Variants in CASP10 observed in about 807,000 individuals in gnomAD.
The protein encoded by CASP10 is caspase 10, also known as caspase-10.
A neutral mutation model predicts 48.5 loss-of-function variants in CASP10; 41 were observed. The observed-to-expected ratio is 0.85, with a 90% CI of 0.66 to 1.10. The LOEUF (loss-of-function observed/expected upper bound fraction) is 1.10. Ranked by LOEUF, CASP10 falls within the 50% of genes least tolerant of loss-of-function variation. The pLI is 0.00. For synonymous variants in CASP10, 232 were observed against 238.4 expected, an observed-to-expected ratio of 0.97 and a Z score of 0.25; for missense variants, 614 against 614.5, an observed-to-expected ratio of 1.00 and a Z score of 0.01.
At chr2:201,227,322 A>C (rs1160027106) in intron 9 of CASP10, among the ~76,000 whole-genome samples, 2 of 152,086 alleles carry the variant, frequency 1.3e-5, no homozygotes, top group Non-Finnish European at 2.9e-5. Flanking sequence ...ATGTTTTTCC[A>C]ATCTAGTAAC....
At chr2:201,222,112 G>T (rs1945732519), downstream of CASP10, among the ~76,000 whole-genome samples, 1 of 152,038 alleles carries the variant, frequency 6.6e-6, no homozygotes, top group African/African-American at 2.4e-5. Flanking sequence ...GTTTATGAGG[G>T]GAATAGGTAG....
In CASP10 at chr2:201,219,359, A is replaced by G; in HGVS notation, c.*1618A>G. 1 of 773,366 alleles carries G rather than the reference A, an allele frequency of 1.3e-6. No individual in the cohort carries two copies. Among genetic ancestry groups the G allele is most frequent in the Non-Finnish European group, 1.6e-6 (1 of 636,562 alleles). The allele number at this position is 773,366 out of a possible 1,614,324, so 47.9% of individuals were successfully genotyped here. On this transcript the variant is annotated 3_prime_UTR_variant, in exon 10 of 10. Coordinates refer to ENST00000286186, the MANE Select transcript of CASP10 (RefSeq NM_032977.4). ...TTGACTGAAGCAAAGAAGGGAATTT[A>G]TTGCCTCTTTCACATTGAAACCCAG... is the stretch of plus-strand genomic sequence containing the variant.
At chr2:201,185,656 A>G (rs1944388544) in intron 1 of CASP10, 115 bp from the exon 2 acceptor site, 1 of 756,526 alleles carries the variant, frequency 1.3e-6, no homozygotes, top group Non-Finnish European at 2.4e-6. Context: ...CAGCACTTCT[A>G]GGAAAGTCTA....
intron 4 of CASP10, 142 bp downstream of exon 4, chr2:201,193,261 G>T: frequency 6.2e-6 from 5 of 808,228 alleles, no homozygotes; most frequent in Non-Finnish European, 1.0e-5. Flanking sequence ...AGGCTGGAGT[G>T]CAGTGGTGTG....
intron 9 of CASP10, chr2:201,213,628 G>A (rs181534547): frequency 5.9e-5 from 9 of 152,112 alleles, no homozygotes; most frequent in African/African-American, 1.7e-4. Context: ...TGACGTCCTC[G>A]AGAGAGTAAT....
Position 201,209,477 on chromosome 2 carries a change from C to T in CASP10, c.1330C>T (p.Pro444Ser), listed in dbSNP as rs41513147. The change falls in exon 9 of 10, where the codon CCA (proline) becomes TCA (serine). Residue 444 changes from proline to serine, a missense_variant. Physicochemically the swap from Pro to Ser is moderately conservative, Grantham distance 74 (BLOSUM62 -1). Transcript: ENST00000286186. ...ADFLLGLATV[P>S]GYVSFRHVEE... The stretch of plus-strand genomic sequence containing the variant: ...CTTCCTACTTGGTCTGGCCACTGTC[C>T]CAGGCTATGTATCCTTTCGGCATGT... 3 of 1,614,048 alleles carry T rather than the reference C, an allele frequency of 1.9e-6. No individual in the cohort carries two copies. Among genetic ancestry groups the T allele is most frequent in the South Asian group, 1.1e-5 (1 of 91,078 alleles).
chr2:201,203,707 T>G (rs1326250295), intron 5 of CASP10, 23 bp from the exon 6 acceptor site: 1 of 1,609,922 alleles, frequency 6.2e-7, no homozygotes. Context: ...CTATGTTTCA[T>G]GCCCTCCTTT....
intron 9 of CASP10, among the ~76,000 whole-genome samples, chr2:201,211,374 CCT>C (rs1945387962): frequency 1.3e-5 from 2 of 152,184 alleles, no homozygotes; most frequent in African/African-American, 4.8e-5. Context: ...CATTGACTAA[CCT>C]CTCATCTTCC....
Position 201,193,099 on chromosome 2 carries a change from A to G in CASP10, c.557A>G (p.Glu186Gly), listed in dbSNP as rs1277911826. Residue 186 changes from glutamate to glycine, a missense_variant, in exon 4 of 10, where the codon GAG becomes GGG. Physicochemically the swap from Glu to Gly is moderately conservative, Grantham distance 98 (BLOSUM62 -2). Transcript: ENST00000286186. ...TVVPKLLRNI[E>G]KYKREKAIQI... ...GTACCTAAACTTTTGAGAAACATAG[A>G]GAAATACAAAAGAGAGAAAGGTAAG... 6.2e-7 allele frequency: 1 copy of G among 1,613,878 alleles called. No individual in the cohort carries two copies. Among genetic ancestry groups the G allele is most frequent in the South Asian group, 1.1e-5 (1 of 91,070 alleles).
At chr2:201,222,319 C>T (rs940815824), downstream of CASP10, among the ~76,000 whole-genome samples, 3 of 150,926 alleles carry the variant, frequency 2.0e-5, no homozygotes, top group African/African-American at 4.9e-5. Context: ...TGGGTTCAAG[C>T]GATTCTCCTG....
chr2:201,207,466 C>CA (rs1472354628), intron 7 of CASP10, among the ~76,000 whole-genome samples: 1 of 151,116 alleles, frequency 6.6e-6, no homozygotes, highest in African/African-American at 2.4e-5. Flanking sequence ...ACCAAAAATA[C>CA]AAAAATTATC....
intron 3 of CASP10, among the ~76,000 whole-genome samples, chr2:201,190,321 CAT>C (rs1446069907): frequency 2.0e-5 from 3 of 152,072 alleles, no homozygotes; most frequent in South Asian, 2.1e-4. Context: ...CACACACACA[CAT>C]GACCTAAAGG....
In CASP10 at chr2:201,192,990, C is replaced by A; in HGVS notation, c.448C>A (p.Leu150Ile). 6.2e-7 allele frequency: 1 copy of A among 1,613,282 alleles called. No homozygotes were observed. Among genetic ancestry groups the A allele is most frequent in the Non-Finnish European group, 8.5e-7 (1 of 1,179,506 alleles). ...TCTATTGATTCTCTTGTAGACCTCC[C>A]TAAGTTTCCTGGCATTTCTAGAGAA... Reference protein sequence around the residue: ...DSLPKTEMTSLSFLAFLEKQG... With the variant: ...DSLPKTEMTSISFLAFLEKQG... Residue 150 changes from leucine (L) to isoleucine (I), a missense_variant, in exon 4 of 10, where the codon CTA becomes ATA. Coordinates refer to ENST00000286186, the MANE Select transcript of CASP10 (RefSeq NM_032977.4).
At chr2:201,228,204 T>C (rs547189238) in intron 9 of CASP10, among the ~76,000 whole-genome samples, 1 of 152,208 alleles carries the variant, frequency 6.6e-6, no homozygotes, top group Non-Finnish European at 1.5e-5. Context: ...GGTGTGGTGA[T>C]GTACACCTGT....
chr2:201,219,317 A>T lies in CASP10; in HGVS notation c.*1576A>T, dbSNP rs774284226. On this transcript the variant is annotated 3_prime_UTR_variant, in exon 10 of 10. Coordinates refer to ENST00000286186, the MANE Select transcript of CASP10 (RefSeq NM_032977.4). ...TTGGAACATTTCAGTTGCCATTGACAGAACACCCAATTCAAATTGACTGAA... is the reference window on the plus strand; with the variant it reads ...TTGGAACATTTCAGTTGCCATTGACTGAACACCCAATTCAAATTGACTGAA... 13 of 462,548 alleles carry T rather than the reference A, an allele frequency of 2.8e-5. No individual in the cohort carries two copies. Among genetic ancestry groups the T allele is most frequent in the Non-Finnish European group, 3.4e-5 (12 of 352,528 alleles). The allele number at this position is 462,548 out of a possible 1,614,324, so 28.7% of individuals were successfully genotyped here.
At chr2:201,193,361 C>G (rs1944677517) in intron 4 of CASP10, 1 of 387,386 alleles carries the variant, frequency 2.6e-6, no homozygotes, top group Admixed American at 3.7e-5. Flanking sequence ...GAGCCTGCCA[C>G]CACGCCTGGC....
chr2:201,210,846 T>C (rs908346107), intron 9 of CASP10, among the ~76,000 whole-genome samples: 1 of 152,156 alleles, frequency 6.6e-6, no homozygotes, highest in African/African-American at 2.4e-5. Context: ...TATAAGTGAA[T>C]ATTTAAATTA....
chr2:201,220,670 C>T lies in CASP10; in HGVS notation c.*2929C>T, dbSNP rs1212385593. 2 of 903,650 alleles carry T rather than the reference C, an allele frequency of 2.2e-6. No individual in the cohort carries two copies. Among genetic ancestry groups the T allele is most frequent in the African/African-American group, 1.8e-5 (1 of 55,564 alleles). The allele number at this position is 903,650 out of a possible 1,614,324, so 56.0% of individuals were successfully genotyped here. A position where few individuals can be genotyped will look rare whatever the true frequency, so the allele number is the denominator to read the frequency against. On this transcript the variant is annotated 3_prime_UTR_variant, in exon 10 of 10. Coordinates refer to ENST00000286186, the MANE Select transcript of CASP10 (RefSeq NM_032977.4). ...CAGAAGCCCCTTTCAAATTTGTTTT[C>T]TCTAAAATAAACCTGTCCTTGGCTG...
intron 3 of CASP10, among the ~76,000 whole-genome samples, chr2:201,189,187 A>G (rs1210798461): frequency 6.6e-6 from 1 of 151,960 alleles, no homozygotes; most frequent in Non-Finnish European, 1.5e-5. Context: ...TTAGAATTGT[A>G]TCATTTCGTT....
Sources: allele counts gnomAD v4.1 joint callset (sites outside exome capture counted in the v4.1 genomes callset), GRCh38; gene constraint gnomAD v4.1.1; transcripts MANE v1.5; gene names NCBI Gene and HGNC (gene_info 2026-07-23, HGNC 2026-07-21).